The following SCO1 variants were observed in gnomAD, a reference collection of about 807,000 sequenced individuals.
SCO1 encodes the protein cytochrome c oxidase assembly factor SCO1.
In SCO1, 23 loss-of-function variants were observed where a neutral mutation model predicts 34.0. The observed-to-expected ratio is 0.68, with a 90% CI of 0.49 to 0.96. The LOEUF (loss-of-function observed/expected upper bound fraction) is 0.96, where lower values mean the gene tolerates loss of function less well. Ranked by LOEUF, SCO1 falls within the 40% of genes least tolerant of loss-of-function variation. SCO1 has a pLI of 0.00. For missense variants in SCO1, 404 were observed against 381.6 expected (o/e 1.06, Z -0.49); for synonymous variants, 161 against 145.5 (o/e 1.11, Z -0.77).
Position 10,678,106 on chromosome 17 carries a change from ACT to A in SCO1, c.*3011_*3012del, listed in dbSNP as rs1768386522. 6.6e-6 allele frequency: 1 copy of A among 151,448 alleles called. No homozygotes were observed. The highest frequency in any genetic ancestry group is 1.9e-4 in the East Asian group (1 of 5,146). 9.4% of individuals were successfully genotyped at this position (151,448 alleles called of 1,614,324 possible). ...CTCCAGCCTGGGCAACAAGAGTGAA[ACT>A]CTGTCTCAAAAAAGAAAAGAAAAAA... On this transcript the variant is annotated 3_prime_UTR_variant, in exon 6 of 6. Coordinates refer to ENST00000255390, the MANE Select transcript of SCO1 (RefSeq NM_004589.4).
chr17:10,694,608 AGCAAATAAATACTCTCAAATTAT>A (rs2074710781), intron 2 of SCO1, among the ~76,000 whole-genome samples: 1 of 152,234 alleles, frequency 6.6e-6, no homozygotes, highest in Non-Finnish European at 1.5e-5. Flanking sequence ...GCAACATGTC[AGCAAATAAATACTCTCAAATTAT>A]TTAGGAAGAC....
At chr17:10,687,430 G>C (rs952387181) in intron 4 of SCO1, among the ~76,000 whole-genome samples, 1 of 152,152 alleles carries the variant, frequency 6.6e-6, no homozygotes, top group Non-Finnish European at 1.5e-5. Flanking sequence ...TAAGTTTTTG[G>C]AATTCATGTA....
intron 5 of SCO1, among the ~76,000 whole-genome samples, chr17:10,685,211 C>CAGTG (rs1365417276): frequency 6.6e-6 from 1 of 152,198 alleles, no homozygotes; most frequent in East Asian, 1.9e-4. Context: ...GCTGCTGGAT[C>CAGTG]AGTGACTCAG....
At chr17:10,690,453 A>G (rs982838050) in intron 4 of SCO1, among the ~76,000 whole-genome samples, 1 of 152,204 alleles carries the variant, frequency 6.6e-6, no homozygotes, top group African/African-American at 2.4e-5. Flanking sequence ...AACATCACCA[A>G]TCACAAGGGA....
chr17:10,681,065 G>C lies in SCO1; in HGVS notation c.*54C>G. On this transcript the variant is annotated 3_prime_UTR_variant, in exon 6 of 6. Transcript: ENST00000255390. The stretch of plus-strand genomic sequence containing the variant: ...TATATTTATATAGGCTCCTATGCGA[G>C]ACAGTTTCCTTCCTCTTAGCAAGAG... 1 of 1,606,208 alleles carries C rather than the reference G, an allele frequency of 6.2e-7. No homozygotes were observed. The highest frequency in any genetic ancestry group is 8.5e-7 in the Non-Finnish European group (1 of 1,172,816).
chr17:10,692,866 C>T lies in SCO1; in HGVS notation c.460G>A (p.Asp154Asn). The T allele has an allele frequency of 1.2e-6, 2 of 1,614,060 alleles. No homozygotes were observed. The highest frequency in any genetic ancestry group is 2.2e-5 in the East Asian group (1 of 44,886). Residue 154 changes from aspartate to asparagine, a missense_variant, in exon 3 of 6, where the codon GAC becomes AAC. Transcript: ENST00000255390. ...ATCAATAACCACTGACCCAAGTAGT[C>T]CTTGTCAGTTTTACGCTCCCCAGTA... ...THTGERKTDK[D>N]YLGQWLLIYF...
rs1246971034 is a variant in SCO1 at position 10,677,284 on chromosome 17, T to G, written c.*3835A>C. On this transcript the variant is annotated 3_prime_UTR_variant, in exon 6 of 6. Coordinates refer to ENST00000255390, the MANE Select transcript of SCO1 (RefSeq NM_004589.4). Reference sequence around the variant, plus strand: ...ATTATGCCATTATTGCATTCCAGCCTGCGTGAGAAGAGCGAGACTCCATCT... The same window carrying G: ...ATTATGCCATTATTGCATTCCAGCCGGCGTGAGAAGAGCGAGACTCCATCT... 1 of 152,060 alleles carries G rather than the reference T, an allele frequency of 6.6e-6. No individual in the cohort carries two copies. The highest frequency in any genetic ancestry group is 1.9e-4 in the East Asian group (1 of 5,190). 9.4% of individuals were successfully genotyped at this position (152,060 alleles called of 1,614,324 possible). A position where few individuals can be genotyped will look rare whatever the true frequency, so the allele number is the denominator to read the frequency against.
At position 10,680,901 on chromosome 17, in the gene SCO1, G is replaced by A. The variant is rs2074617393; in HGVS notation, c.*218C>T. 1.7e-6 allele frequency: 1 copy of A among 593,976 alleles called. No individual in the cohort carries two copies. Among genetic ancestry groups the A allele is most frequent in the Non-Finnish European group, 3.0e-6 (1 of 337,202 alleles). The allele number at this position is 593,976 out of a possible 1,614,324, so 36.8% of individuals were successfully genotyped here. On this transcript the variant is annotated 3_prime_UTR_variant, in exon 6 of 6. Transcript: ENST00000255390. The stretch of plus-strand genomic sequence containing the variant: ...AGCTTGATCCTCTGGTCTCCCCACA[G>A]CTTCCTGGGAGACTTTGGGTTGTAA...
intron 4 of SCO1, 119 bp downstream of exon 4, chr17:10,691,753 C>T (rs1169247772): frequency 1.4e-6 from 1 of 704,360 alleles, no homozygotes. Context: ...TTTTATTCAC[C>T]CATAAAACTG....
intron 5 of SCO1, among the ~76,000 whole-genome samples, chr17:10,681,461 G>A (rs2074621615): frequency 6.6e-6 from 1 of 152,150 alleles, no homozygotes; most frequent in Admixed American, 6.5e-5. Context: ...CATCTGCACT[G>A]GTTATTGCTT....
intron 5 of SCO1, among the ~76,000 whole-genome samples, chr17:10,684,463 G>A (rs1251619214): frequency 6.6e-6 from 1 of 152,226 alleles, no homozygotes. Flanking sequence ...GTATGTGATA[G>A]CAGTCTGACC....
intron 1 of SCO1, among the ~76,000 whole-genome samples, chr17:10,696,824 CT>C (rs1490425360): frequency 2.0e-5 from 3 of 152,188 alleles, no homozygotes; most frequent in Non-Finnish European, 4.4e-5. Context: ...CTAAGTTCCA[CT>C]TTTTGTTTCA....
In SCO1 at chr17:10,695,977, A is replaced by C. The variant is rs4792018; in HGVS notation, c.274-146T>G. On this transcript the variant is annotated intron_variant, in intron 1 of 5. Transcript: ENST00000255390. ...ATGTTTCAGGGATGAGAAAATGCTCAAAGTTTCTGTGGATGCAGTTAGGTC... is the reference window on the plus strand; with the variant it reads ...ATGTTTCAGGGATGAGAAAATGCTCCAAGTTTCTGTGGATGCAGTTAGGTC... 277,678 of 641,484 alleles carry C rather than the reference A, an allele frequency of 0.43. 62,150 individuals carry two copies. The highest frequency in any genetic ancestry group is 0.51 in the East Asian group (16,322 of 32,180). 39.7% of individuals were successfully genotyped at this position (641,484 alleles called of 1,614,324 possible). A position where few individuals can be genotyped will look rare whatever the true frequency, so the allele number is the denominator to read the frequency against.
Position 10,673,880 on chromosome 17 carries a change from A to G in SCO1, c.*7239T>C, listed in dbSNP as rs1248797562. 6.6e-6 allele frequency: 1 copy of G among 152,230 alleles called. No homozygotes were observed. The highest frequency in any genetic ancestry group is 2.4e-5 in the African/African-American group (1 of 41,448). The allele number at this position is 152,230 out of a possible 1,614,324, so 9.4% of individuals were successfully genotyped here. On this transcript the variant is annotated 3_prime_UTR_variant, in exon 6 of 6. Coordinates refer to ENST00000255390, the MANE Select transcript of SCO1 (RefSeq NM_004589.4). ...ACAGTCGTCTTTGACAAAAATTTCA[A>G]AAGTGGGGCAATTAAATAATTATCA...
intron 1 of SCO1, 69 bp downstream of exon 1, chr17:10,697,166 G>GTGGGATGT: frequency 7.1e-7 from 1 of 1,408,052 alleles, no homozygotes; most frequent in Middle Eastern, 2.6e-4. Context: ...TTACGACCAA[G>GTGGGATGT]TGGGATGTGG....
intron 1 of SCO1, 49 bp downstream of exon 1, chr17:10,697,186 T>G: frequency 6.8e-7 from 1 of 1,465,358 alleles, no homozygotes; most frequent in Non-Finnish European, 9.0e-7. Flanking sequence ...GCCGCTGGGC[T>G]GGCCGACAGC....
intron 2 of SCO1, among the ~76,000 whole-genome samples, chr17:10,695,312 T>C (rs968834132): frequency 3.9e-5 from 6 of 152,174 alleles, no homozygotes; most frequent in African/African-American, 1.2e-4. Context: ...TGTGTCTGTT[T>C]CCCTTCCGTG....
rs2074618178 is a variant in SCO1 at position 10,681,024 on chromosome 17, T to TGCA, written c.*92_*94dup. The TGCA allele has an allele frequency of 7.1e-7, 1 of 1,400,510 alleles. No individual in the cohort carries two copies. Among genetic ancestry groups the TGCA allele is most frequent in the Admixed American group, 1.7e-5 (1 of 59,642 alleles). 86.8% of individuals were successfully genotyped at this position (1,400,510 alleles called of 1,614,324 possible). ...ATGGTATGAAGGCCATTCTGTAGAG[T>TGCA]GCACGTATATATGTTTATATTTATA... On this transcript the variant is annotated 3_prime_UTR_variant, in exon 6 of 6. Coordinates refer to ENST00000255390, the MANE Select transcript of SCO1 (RefSeq NM_004589.4).
chr17:10,693,210 C>A (rs1302705358), intron 2 of SCO1, among the ~76,000 whole-genome samples: 2 of 152,296 alleles, frequency 1.3e-5, no homozygotes, highest in South Asian at 2.1e-4. Flanking sequence ...TTTTCAGGAA[C>A]AATTCAGTCC....
Sources: allele counts gnomAD v4.1 joint callset (sites outside exome capture counted in the v4.1 genomes callset), GRCh38; gene constraint gnomAD v4.1.1; transcripts MANE v1.5; gene names NCBI Gene and HGNC (gene_info 2026-07-23, HGNC 2026-07-21).